The following SCHIP1 variants were observed in gnomAD, a reference collection of about 807,000 sequenced individuals.
SCHIP1 encodes schwannomin interacting protein 1.
In SCHIP1, 8 loss-of-function variants were observed where a neutral mutation model predicts 29.7. The ratio of observed to expected loss-of-function variants is 0.27; its 90% CI spans 0.16 to 0.49. SCHIP1 has a LOEUF of 0.49. SCHIP1 is among the 20% of genes least tolerant of loss of function. The pLI is 0.99. For synonymous variants in SCHIP1, 76 were observed against 94.9 expected (o/e 0.80, Z 1.16); for missense variants, 193 against 294.6 (o/e 0.66, Z 2.52).
intron 2 of SCHIP1, among the ~76,000 whole-genome samples, chr3:159,885,512 A>G (rs1716875249): frequency 6.6e-6 from 1 of 152,360 alleles, no homozygotes; most frequent in African/African-American, 2.4e-5. Context: ...TTCACCACAC[A>G]TATAATGGCT....
At chr3:159,647,379 C>A in the SCHIP1 span, among the ~76,000 whole-genome samples, 4 of 152,112 alleles carry the variant, frequency 2.6e-5, no homozygotes, top group East Asian at 7.7e-4. Context: ...GACCCAAAGT[C>A]TCCAATACTC....
the SCHIP1 span, among the ~76,000 whole-genome samples, chr3:159,676,158 T>C: frequency 2.0e-5 from 3 of 152,162 alleles, no homozygotes; most frequent in Admixed American, 1.3e-4. Context: ...ATGAAATCTA[T>C]GGACTTCTTC....
the SCHIP1 span, among the ~76,000 whole-genome samples, chr3:159,552,742 A>T: frequency 6.6e-6 from 1 of 152,226 alleles, no homozygotes; most frequent in Non-Finnish European, 1.5e-5. Context: ...CAGGTCTAGA[A>T]ATATTTGACA....
the SCHIP1 span, among the ~76,000 whole-genome samples, chr3:159,305,497 C>T: frequency 2.6e-5 from 4 of 152,148 alleles, no homozygotes; most frequent in African/African-American, 7.2e-5. Flanking sequence ...CTTTTTCTGT[C>T]TAAAGCGAAT....
the SCHIP1 span, among the ~76,000 whole-genome samples, chr3:159,626,144 CTA>C: frequency 1.3e-5 from 1 of 75,858 alleles, no homozygotes; most frequent in Non-Finnish European, 2.3e-5. Flanking sequence ...ATAGATATAT[CTA>C]GATATATATA....
the SCHIP1 span, among the ~76,000 whole-genome samples, chr3:159,515,521 AT>A: frequency 6.6e-6 from 1 of 152,248 alleles, no homozygotes; most frequent in Non-Finnish European, 1.5e-5. Flanking sequence ...TAAAATGGAA[AT>A]AATGCATAAA....
chr3:159,596,758 T>C, the SCHIP1 span, among the ~76,000 whole-genome samples: 3 of 151,216 alleles, frequency 2.0e-5, no homozygotes, highest in South Asian at 2.1e-4. Context: ...ATGAGAACAC[T>C]TGGACACAGG....
At chr3:159,875,161 A>T (rs1400095851) in intron 2 of SCHIP1, among the ~76,000 whole-genome samples, 2 of 152,220 alleles carry the variant, frequency 1.3e-5, no homozygotes, top group African/African-American at 4.8e-5. Flanking sequence ...AAAATGGCAA[A>T]ACAAATCTAA....
At chr3:159,295,841 A>T in the SCHIP1 span, among the ~76,000 whole-genome samples, 1 of 152,224 alleles carries the variant, frequency 6.6e-6, no homozygotes. Context: ...TACATAATGG[A>T]TATTCCATAA....
At chr3:159,659,536 C>T in the SCHIP1 span, among the ~76,000 whole-genome samples, 2 of 152,218 alleles carry the variant, frequency 1.3e-5, no homozygotes, top group Non-Finnish European at 2.9e-5. Context: ...CATGCAGCTT[C>T]ATTTCCAAGT....
the SCHIP1 span, chr3:159,722,027 G>T: frequency 1.1e-5 from 4 of 362,432 alleles, no homozygotes; most frequent in Non-Finnish European, 1.6e-5. Flanking sequence ...CTGTCTCAAC[G>T]TACTTTATTA....
chr3:159,872,150 A>G (rs1715359678), intron 2 of SCHIP1, among the ~76,000 whole-genome samples: 1 of 152,034 alleles, frequency 6.6e-6, no homozygotes, highest in South Asian at 2.1e-4. Flanking sequence ...GTGCATATAG[A>G]TTTGTACCTT....
the SCHIP1 span, among the ~76,000 whole-genome samples, chr3:159,495,453 T>C: frequency 6.6e-6 from 1 of 152,188 alleles, no homozygotes; most frequent in African/African-American, 2.4e-5. Flanking sequence ...AGCATTCTTA[T>C]ACACCAATCA....
At chr3:159,571,393 C>T in the SCHIP1 span, among the ~76,000 whole-genome samples, 25 of 152,104 alleles carry the variant, frequency 1.6e-4, no homozygotes, top group African/African-American at 5.8e-4. Flanking sequence ...ATAATCATGT[C>T]GTTTTTATCA....
the SCHIP1 span, among the ~76,000 whole-genome samples, chr3:159,546,086 A>G: frequency 3.1e-3 from 479 of 152,178 alleles, 2 homozygotes; most frequent in Non-Finnish European, 5.2e-3. Flanking sequence ...GTTTGTTTAC[A>G]TGGTAACCTT....
chr3:159,835,585 G>A (rs900972394), upstream of SCHIP1, among the ~76,000 whole-genome samples: 2 of 152,188 alleles, frequency 1.3e-5, no homozygotes, highest in African/African-American at 2.4e-5. Context: ...ACTTTAGCCT[G>A]CATATCATCA....
chr3:159,860,839 C>T (rs957405490), intron 1 of SCHIP1, among the ~76,000 whole-genome samples: 2 of 152,174 alleles, frequency 1.3e-5, no homozygotes, highest in African/African-American at 4.8e-5. Flanking sequence ...CCCCTGATTC[C>T]CTAGGCCAGG....
At chr3:159,469,127 C>A in the SCHIP1 span, among the ~76,000 whole-genome samples, 1 of 152,048 alleles carries the variant, frequency 6.6e-6, no homozygotes. Context: ...CTCATTCACA[C>A]ACAAGACCAA....
At chr3:159,424,885 T>G in the SCHIP1 span, among the ~76,000 whole-genome samples, 1 of 146,062 alleles carries the variant, frequency 6.8e-6, no homozygotes. Context: ...GGGGCCAATA[T>G]TCAACATTTT....
Sources: gnomAD v4.1 joint callset for allele counts (sites outside exome capture counted in the v4.1 genomes callset) on GRCh38, gnomAD v4.1.1 for gene constraint, MANE v1.5 for transcripts, NCBI Gene and HGNC (gene_info 2026-07-23, HGNC 2026-07-21) for gene names.